Variants in DPH6 observed in about 807,000 individuals in gnomAD.
DPH6 encodes the protein diphthamine biosynthesis 6.
Under a neutral mutation model 38.2 loss-of-function variants are expected in DPH6, and 33 were observed. The ratio of observed to expected loss-of-function variants is 0.86; its 90% CI spans 0.65 to 1.15. The LOEUF (loss-of-function observed/expected upper bound fraction) is 1.15, where lower values mean the gene tolerates loss of function less well. Ranked by LOEUF, DPH6 falls within the 50% of genes most tolerant of loss-of-function variation. The pLI, the probability that DPH6 is intolerant of heterozygous loss-of-function variation, is 0.00. For missense variants in DPH6, 325 were observed against 320.0 expected, an observed-to-expected ratio of 1.02 and a Z score of -0.12; for synonymous variants, 108 against 103.0, an observed-to-expected ratio of 1.05 and a Z score of -0.30.
intron 2 of DPH6, 79 bp from the exon 3 acceptor site, chr15:35,538,546 TG>T: frequency 1.6e-6 from 2 of 1,269,416 alleles, no homozygotes; most frequent in Non-Finnish European, 2.1e-6. Context: ...CAGGTTTTAC[TG>T]CTTGAATAGT....
At chr15:35,189,547 CT>C in the DPH6 span, among the ~76,000 whole-genome samples, 34 of 152,162 alleles carry the variant, frequency 2.2e-4, no homozygotes, top group African/African-American at 7.7e-4. Flanking sequence ...ACCTGAAATT[CT>C]CTCTCCCTGT....
intron 3 of DPH6, among the ~76,000 whole-genome samples, chr15:35,331,267 A>T (rs2052325295): frequency 6.6e-6 from 1 of 152,168 alleles, no homozygotes; most frequent in African/African-American, 2.4e-5. Context: ...TGAATTATGC[A>T]TAGTTAGAGA....
chr15:35,200,576 T>C, the DPH6 span, among the ~76,000 whole-genome samples: 1 of 152,052 alleles, frequency 6.6e-6, no homozygotes, highest in Non-Finnish European at 1.5e-5. Context: ...TGTTAGGCAT[T>C]GTGCTAGGTG....
In DPH6 at chr15:35,237,774, G is replaced by A. The variant is rs1014639445; in HGVS notation, n.201-17192C>T. ...CTCACATATCTTGACGGCTATGACC[G>A]GGACGACAAGGAGGCCCCTAACTTG... On this transcript the variant is annotated intron_variant and non_coding_transcript_variant, in intron 3 of 3. Coordinates refer to the DPH6 transcript ENST00000560386. 14 of 1,608,276 alleles carry A rather than the reference G, an allele frequency of 8.7e-6. No individual in the cohort carries two copies. In the African/African-American group the frequency reaches 1.1e-4, roughly 12 times the overall value.
chr15:35,502,283 A>C (rs191501236), intron 3 of DPH6, among the ~76,000 whole-genome samples: 1 of 152,154 alleles, frequency 6.6e-6, no homozygotes, highest in East Asian at 1.9e-4. Flanking sequence ...ATGCTATTCT[A>C]TTCTCCTTTT....
intron 3 of DPH6, among the ~76,000 whole-genome samples, chr15:35,455,588 G>C (rs568071464): frequency 6.6e-6 from 1 of 152,202 alleles, no homozygotes; most frequent in Non-Finnish European, 1.5e-5. Flanking sequence ...GGACAACATG[G>C]GGATTTGAAA....
chr15:35,356,715 G>A (rs908563781), intron 3 of DPH6, among the ~76,000 whole-genome samples: 1 of 152,172 alleles, frequency 6.6e-6, no homozygotes, highest in Non-Finnish European at 1.5e-5. Context: ...CTCCCAGTTA[G>A]GCTACTCGGG....
chr15:35,441,081 A>G (rs1237363095), intron 5 of DPH6, among the ~76,000 whole-genome samples: 1 of 152,262 alleles, frequency 6.6e-6, no homozygotes, highest in Non-Finnish European at 1.5e-5. Flanking sequence ...ACTGGTCATT[A>G]GAGAAATGCA....
chr15:35,451,365 A>C (rs1222929147), intron 4 of DPH6, among the ~76,000 whole-genome samples: 1 of 152,218 alleles, frequency 6.6e-6, no homozygotes, highest in Non-Finnish European at 1.5e-5. Context: ...GAGTGAAGAC[A>C]CATCTGAATT....
intron 3 of DPH6, among the ~76,000 whole-genome samples, chr15:35,529,974 G>A (rs1018567976): frequency 1.1e-4 from 16 of 151,746 alleles, no homozygotes; most frequent in Non-Finnish European, 1.6e-4. Flanking sequence ...ATTTAGGCAC[G>A]ACAAATATGC....
chr15:35,510,371 C>T (rs1243110265), intron 3 of DPH6, among the ~76,000 whole-genome samples: 2 of 152,140 alleles, frequency 1.3e-5, no homozygotes, highest in African/African-American at 4.8e-5. Context: ...ATCTTTATTG[C>T]TGGAAGCTCT....
intron 3 of DPH6, among the ~76,000 whole-genome samples, chr15:35,354,713 G>C (rs1484948503): frequency 1.3e-5 from 2 of 152,088 alleles, no homozygotes; most frequent in African/African-American, 4.8e-5. Flanking sequence ...TTGCATTGAT[G>C]TTCATCAGGG....
intron 6 of DPH6, among the ~76,000 whole-genome samples, chr15:35,409,565 G>A (rs908617444): frequency 3.3e-5 from 5 of 151,844 alleles, no homozygotes; most frequent in Admixed American, 6.6e-5. Flanking sequence ...TTCAAATTTC[G>A]GAAATAGCTC....
intron 3 of DPH6, among the ~76,000 whole-genome samples, chr15:35,256,543 A>G (rs2051709317): frequency 6.6e-6 from 1 of 152,202 alleles, no homozygotes; most frequent in South Asian, 2.1e-4. Context: ...TTCTTTTTAG[A>G]AATAAAGGGC....
intron 3 of DPH6, among the ~76,000 whole-genome samples, chr15:35,517,287 G>A (rs991951552): frequency 2.0e-5 from 3 of 152,000 alleles, no homozygotes; most frequent in African/African-American, 7.2e-5. Flanking sequence ...TTGCTTCTTT[G>A]TACAGTCTTG....
intron 6 of DPH6, among the ~76,000 whole-genome samples, chr15:35,386,729 T>C (rs558315240): frequency 6.6e-6 from 1 of 152,346 alleles, no homozygotes; most frequent in South Asian, 2.1e-4. Flanking sequence ...TCATTGTAGA[T>C]TCTGGATATT....
intron 3 of DPH6, among the ~76,000 whole-genome samples, chr15:35,281,251 G>A (rs1350569479): frequency 6.6e-6 from 1 of 152,060 alleles, no homozygotes; most frequent in Non-Finnish European, 1.5e-5. Flanking sequence ...TTATTTTTAG[G>A]AGACCTCAAA....
chr15:35,359,720 C>T (rs143389542), intron 3 of DPH6, among the ~76,000 whole-genome samples: 50 of 152,240 alleles, frequency 3.3e-4, no homozygotes, highest in African/African-American at 8.9e-4. Context: ...CAGTTTTGGG[C>T]GGGGGGACTC....
chr15:35,289,605 G>T (rs1239140319), intron 3 of DPH6, among the ~76,000 whole-genome samples: 2 of 152,186 alleles, frequency 1.3e-5, no homozygotes, highest in Non-Finnish European at 2.9e-5. Flanking sequence ...TCATAGGAAT[G>T]AGGCAAATTT....
Sources: gnomAD v4.1 joint callset for allele counts (sites outside exome capture counted in the v4.1 genomes callset) on GRCh38, gnomAD v4.1.1 for gene constraint, MANE v1.5 for transcripts, NCBI Gene and HGNC (gene_info 2026-07-23, HGNC 2026-07-21) for gene names.